Variants in CADM2 observed in about 807,000 individuals in gnomAD.
The protein encoded by CADM2 is cell adhesion molecule 2, also known as immunoglobulin superfamily member 4D.
In CADM2, 12 loss-of-function variants were observed where a neutral mutation model predicts 49.8. That is an observed-to-expected ratio of 0.24 (90% CI 0.15 to 0.39). The LOEUF (loss-of-function observed/expected upper bound fraction) is 0.39, where lower values mean the gene tolerates loss of function less well. Ranked by LOEUF, CADM2 falls within the 10% of genes least tolerant of loss-of-function variation. The probability of loss-of-function intolerance (pLI) is 1.00; values close to 1 mark genes in which losing one functional copy is unlikely to be tolerated. For synonymous variants in CADM2, 214 were observed against 175.4 expected (o/e 1.22, Z -1.74); for missense variants, 378 against 492.3 (o/e 0.77, Z 2.20).
At chr3:85,702,807 C>A (rs999803052) in intron 1 of CADM2, among the ~76,000 whole-genome samples, 1 of 152,126 alleles carries the variant, frequency 6.6e-6, no homozygotes, top group Non-Finnish European at 1.5e-5. Flanking sequence ...TTTCAGCATA[C>A]TTCATGAGTG....
At chr3:85,417,008 T>G (rs988701901) in intron 1 of CADM2, among the ~76,000 whole-genome samples, 6 of 152,124 alleles carry the variant, frequency 3.9e-5, no homozygotes, top group African/African-American at 1.4e-4. Context: ...AAATCTGTGA[T>G]ATGCATGTCA....
intron 8 of CADM2, chr3:86,013,145 A>G: frequency 7.4e-7 from 1 of 1,346,000 alleles, no homozygotes; most frequent in Non-Finnish European, 1.1e-6. Context: ...GTAGACACAG[A>G]AAACGAATAA....
chr3:85,962,237 T>A (rs1230346243), intron 8 of CADM2, among the ~76,000 whole-genome samples: 8 of 152,020 alleles, frequency 5.3e-5, no homozygotes, highest in African/African-American at 1.9e-4. Flanking sequence ...TTAAATTCTA[T>A]AAATAAATGT....
chr3:85,055,999 A>T lies in CADM2; in HGVS notation c.61+96331A>T, dbSNP rs142898252. Among the ~76,000 whole-genome samples the T allele has an allele frequency of 2.3e-3, 351 of 152,194 alleles. 2 individuals are homozygous for T. The highest frequency in any genetic ancestry group is 8.1e-3 in the African/African-American group (335 of 41,574). On this transcript the variant is annotated intron_variant, in intron 1 of 9. Coordinates refer to ENST00000383699, the MANE Select transcript of CADM2 (RefSeq NM_001167675.2). ...CCAGTATTGTAACAAAAGGTCAGTT[A>T]AGGGCTCTTCATGTCTCTGTGAATA...
chr3:85,533,088 C>G (rs113195545), intron 1 of CADM2, among the ~76,000 whole-genome samples: 4,491 of 152,134 alleles, frequency 0.03, 101 homozygotes, highest in Middle Eastern at 0.065. Flanking sequence ...ACAGTCTTTA[C>G]AGTAAACCCC....
chr3:85,657,178 ATG>A (rs2065226616), intron 1 of CADM2, among the ~76,000 whole-genome samples: 1 of 152,110 alleles, frequency 6.6e-6, no homozygotes, highest in Non-Finnish European at 1.5e-5. Flanking sequence ...GTTGGTTTTT[ATG>A]TGTGCTCTTC....
At chr3:85,214,082 C>A (rs1163104710) in intron 1 of CADM2, among the ~76,000 whole-genome samples, 1 of 152,098 alleles carries the variant, frequency 6.6e-6, no homozygotes, top group East Asian at 1.9e-4. Flanking sequence ...GTTTGTTCCA[C>A]ATATTCGAAG....
intron 1 of CADM2, among the ~76,000 whole-genome samples, chr3:85,031,665 C>T (rs988650523): frequency 3.9e-5 from 6 of 152,054 alleles, no homozygotes; most frequent in Non-Finnish European, 7.4e-5. Flanking sequence ...CAGGCACACG[C>T]CACCACGCCC....
At chr3:85,683,187 C>A (rs1453186599) in intron 1 of CADM2, among the ~76,000 whole-genome samples, 4 of 151,692 alleles carry the variant, frequency 2.6e-5, no homozygotes, top group Non-Finnish European at 5.9e-5. Context: ...AATCCTAAAT[C>A]ATTTAACTTT....
At chr3:85,290,267 G>T (rs969742095) in intron 1 of CADM2, among the ~76,000 whole-genome samples, 4 of 152,238 alleles carry the variant, frequency 2.6e-5, no homozygotes, top group African/African-American at 9.6e-5. Flanking sequence ...ATTATATCCC[G>T]CACCTGGCTC....
At chr3:85,402,861 C>T (rs2035183275) in intron 1 of CADM2, among the ~76,000 whole-genome samples, 1 of 152,088 alleles carries the variant, frequency 6.6e-6, no homozygotes, top group African/African-American at 2.4e-5. Flanking sequence ...TTGTGTTTCT[C>T]CCATCTGGAA....
chr3:84,970,044 CTTTTTT>C (rs33980527), intron 1 of CADM2, among the ~76,000 whole-genome samples: 3 of 103,564 alleles, frequency 2.9e-5, no homozygotes, highest in African/African-American at 1.1e-4. Context: ...GACTGACCTG[CTTTTTT>C]TTTTTTTTTT....
At chr3:85,223,204 T>G (rs1199105181) in intron 1 of CADM2, among the ~76,000 whole-genome samples, 1 of 152,194 alleles carries the variant, frequency 6.6e-6, no homozygotes, top group Non-Finnish European at 1.5e-5. Flanking sequence ...TCATGCAGTT[T>G]TTTATCAAGT....
intron 1 of CADM2, among the ~76,000 whole-genome samples, chr3:85,668,739 G>T (rs2065649564): frequency 1.3e-5 from 2 of 152,044 alleles, no homozygotes; most frequent in South Asian, 2.1e-4. Context: ...TCTTTCTTTT[G>T]TAAATTGCCC....
intron 1 of CADM2, among the ~76,000 whole-genome samples, chr3:85,178,060 C>A (rs1203110239): frequency 6.6e-6 from 1 of 151,780 alleles, no homozygotes; most frequent in Non-Finnish European, 1.5e-5. Context: ...TGTTCTGAAA[C>A]AAATCTTCAA....
intron 1 of CADM2, among the ~76,000 whole-genome samples, chr3:85,375,905 T>C (rs1284982685): frequency 6.6e-6 from 1 of 152,142 alleles, no homozygotes; most frequent in Non-Finnish European, 1.5e-5. Context: ...GATTAATCCC[T>C]TGTTATTGTT....
intron 1 of CADM2, among the ~76,000 whole-genome samples, chr3:85,054,899 A>G (rs1445013992): frequency 6.6e-6 from 1 of 151,908 alleles, no homozygotes; most frequent in Non-Finnish European, 1.5e-5. Context: ...CTTGAGAAAT[A>G]TTTATTAAAT....
intron 1 of CADM2, among the ~76,000 whole-genome samples, chr3:85,295,127 A>G (rs1278619110): frequency 3.3e-5 from 5 of 152,318 alleles, no homozygotes; most frequent in Middle Eastern, 3.4e-3. Context: ...AAAAGTGGGC[A>G]AAGGACATGA....
At chr3:85,777,775 G>A (rs1225396562) in intron 2 of CADM2, among the ~76,000 whole-genome samples, 1 of 152,072 alleles carries the variant, frequency 6.6e-6, no homozygotes, top group East Asian at 1.9e-4. Flanking sequence ...CTAACATGTA[G>A]GCAAACCAAT....
Sources: allele counts gnomAD v4.1 joint callset (sites outside exome capture counted in the v4.1 genomes callset), GRCh38; gene constraint gnomAD v4.1.1; transcripts MANE v1.5; gene names NCBI Gene and HGNC (gene_info 2026-07-23, HGNC 2026-07-21).